Variants in HADHA observed in about 807,000 individuals in gnomAD.
The protein encoded by HADHA is hydroxyacyl-CoA dehydrogenase trifunctional multienzyme complex subunit alpha.
Under a neutral mutation model 91.3 loss-of-function variants are expected in HADHA, and 59 were observed. The observed-to-expected ratio is 0.65, with a 90% CI of 0.52 to 0.80. The LOEUF is 0.80. Ranked by LOEUF, HADHA falls within the 30% of genes least tolerant of loss-of-function variation. The pLI is 0.00. For synonymous variants in HADHA, 320 were observed against 338.9 expected (o/e 0.94, Z 0.61); for missense variants, 800 against 927.6 (o/e 0.86, Z 1.79).
intron 5 of HADHA, among the ~76,000 whole-genome samples, 171 bp downstream of exon 5, chr2:26,234,046 T>C (rs1472345606): frequency 2.0e-5 from 3 of 151,906 alleles, no homozygotes; most frequent in African/African-American, 7.3e-5. Flanking sequence ...GTGCCATTGC[T>C]CTCCAGCCTG....
At position 26,204,172 on chromosome 2, in the gene HADHA, C is replaced by T. The variant is rs1304930744; in HGVS notation, c.1110G>A (p.Gly370=). 1.2e-6 allele frequency: 2 copies of T among 1,613,976 alleles called. No individual in the cohort carries two copies. Among genetic ancestry groups the T allele is most frequent in the South Asian group, 1.1e-5 (1 of 91,086 alleles). ...DVKHLAILGA[G]LMGAGIAQVS... is the part of the protein sequence containing the mutation. ...CTTGGGCGATGCCTGCTCCCATCAG[C>T]CCTGCACCAAGAATAGCCAGATGCC... The change falls in exon 12 of 20, where the codon GGG becomes GGA. Residue 370 remains glycine (G), a synonymous_variant. Transcript: ENST00000380649.
At chr2:26,244,306 T>G (rs1484925055) in intron 1 of HADHA, among the ~76,000 whole-genome samples, 2 of 152,086 alleles carry the variant, frequency 1.3e-5, no homozygotes, top group African/African-American at 4.8e-5. Context: ...ACTCAGAAAG[T>G]TGGGGAGTTA....
At chr2:26,195,049 G>T (rs1481873913) in intron 15 of HADHA, 43 bp downstream of exon 15, 1 of 1,531,868 alleles carries the variant, frequency 6.5e-7, no homozygotes, top group Non-Finnish European at 9.0e-7. Flanking sequence ...AGTCTTATTA[G>T]AACTTTTCAA....
At chr2:26,233,613 T>C (rs565893255) in intron 5 of HADHA, among the ~76,000 whole-genome samples, 1 of 152,346 alleles carries the variant, frequency 6.6e-6, no homozygotes, top group African/African-American at 2.4e-5. Flanking sequence ...CTTAAGAGCC[T>C]AGATCACACT....
chr2:26,192,112 G>C (rs190491479), intron 18 of HADHA, among the ~76,000 whole-genome samples, 198 bp downstream of exon 18: 18 of 152,172 alleles, frequency 1.2e-4, no homozygotes, highest in African/African-American at 4.3e-4. Context: ...CATCAGGAGT[G>C]GTCCTCCTGT....
chr2:26,241,382 G>C (rs1032050851), intron 1 of HADHA, among the ~76,000 whole-genome samples: 1 of 152,048 alleles, frequency 6.6e-6, no homozygotes, highest in Non-Finnish European at 1.5e-5. Flanking sequence ...CACTTTGGGA[G>C]GCTGAGGTGG....
At chr2:26,231,668 A>G (rs1479458807) in intron 6 of HADHA, among the ~76,000 whole-genome samples, 1 of 152,146 alleles carries the variant, frequency 6.6e-6, no homozygotes, top group Admixed American at 6.6e-5. Flanking sequence ...ACCTTGATCA[A>G]TAATTCTGTG....
At position 26,194,557 on chromosome 2, in the gene HADHA, G is replaced by A. The variant is rs756412088; in HGVS notation, c.1689+13C>T. On this transcript the variant is annotated intron_variant, in intron 16 of 19. Coordinates refer to ENST00000380649, the MANE Select transcript of HADHA (RefSeq NM_000182.5). ...TGGAAGATGCCGCAAACACTCTGGAGAGCAATACCAACCTGGAGGATTCGG... is the reference window on the plus strand; with the variant it reads ...TGGAAGATGCCGCAAACACTCTGGAAAGCAATACCAACCTGGAGGATTCGG... The A allele has an allele frequency of 1.0e-5, 16 of 1,556,042 alleles. No individual in the cohort carries two copies. In the South Asian group the frequency reaches 1.7e-4, roughly 16 times the overall value.
At chr2:26,236,339 A>ATGTGTGTG (rs752287719) in intron 4 of HADHA, among the ~76,000 whole-genome samples, 1,667 of 109,934 alleles carry the variant, frequency 0.015, 21 homozygotes, top group Middle Eastern at 0.034. Context: ...AGATCACATG[A>ATGTGTGTG]TGTGTGTGTG....
At chr2:26,242,935 T>C (rs1670937892) in intron 1 of HADHA, among the ~76,000 whole-genome samples, 1 of 152,216 alleles carries the variant, frequency 6.6e-6, no homozygotes, top group Non-Finnish European at 1.5e-5. Context: ...GTATTTTTAG[T>C]AGAGACGGGG....
chr2:26,192,182 TAACA>T, intron 18 of HADHA, 124 bp downstream of exon 18: 3 of 656,440 alleles, frequency 4.6e-6, no homozygotes, highest in Non-Finnish European at 5.5e-6. Context: ...TATACCTATG[TAACA>T]AACCTGCACA....
intron 17 of HADHA, among the ~76,000 whole-genome samples, chr2:26,193,093 CCT>C (rs1669558831): frequency 6.6e-6 from 1 of 152,064 alleles, no homozygotes; most frequent in South Asian, 2.1e-4. Context: ...TATACATTCT[CCT>C]CACAGGTGGC....
intron 13 of HADHA, among the ~76,000 whole-genome samples, chr2:26,198,174 C>T (rs997863691): frequency 4.6e-5 from 7 of 152,172 alleles, no homozygotes; most frequent in South Asian, 2.1e-4. Flanking sequence ...AATCACTCCC[C>T]GCTTCACCTT....
Position 26,195,195 on chromosome 2 carries a change from A to G in HADHA, c.1517T>C (p.Met506Thr). Reference sequence around the variant, plus strand: ...GGTCGTGATAATCTCCAGCAGCTGCATCTTGTCCACGGGAGAGAAGTAGTG... The same window carrying G: ...GGTCGTGATAATCTCCAGCAGCTGCGTCTTGTCCACGGGAGAGAAGTAGTG... Reference protein sequence around the residue: ...GMHYFSPVDKMQLLEIITTEK... With the variant: ...GMHYFSPVDKTQLLEIITTEK... The change falls in exon 15 of 20, where the codon ATG (methionine) becomes ACG (threonine). Residue 506 changes from methionine (M) to threonine (T), a missense_variant. Transcript: ENST00000380649. 1 of 1,612,762 alleles carries G rather than the reference A, an allele frequency of 6.2e-7. No individual in the cohort carries two copies. The highest frequency in any genetic ancestry group is 8.5e-7 in the Non-Finnish European group (1 of 1,178,804).
At position 26,191,124 on chromosome 2, in the gene HADHA, G is replaced by C. The variant is rs1027130042; in HGVS notation, c.*126C>G. The C allele has an allele frequency of 5.3e-6, 5 of 939,904 alleles. No homozygotes were observed. The South Asian group carries it at 6.9e-5, about 13-fold the overall frequency. 58.2% of individuals were successfully genotyped at this position (939,904 alleles called of 1,614,324 possible). On this transcript the variant is annotated 3_prime_UTR_variant, in exon 20 of 20. Transcript: ENST00000380649. ...TCTTGGCTGAAGGCACTTTAATCAG[G>C]GAGCAAACCCAGTGCCGGAGTTTGT...
At chr2:26,230,417 T>G in intron 6 of HADHA, 123 bp from the exon 7 acceptor site, 1 of 725,264 alleles carries the variant, frequency 1.4e-6, no homozygotes, top group Non-Finnish European at 2.5e-6. Context: ...GTTTATGCTA[T>G]TTGTCAACAG....
chr2:26,232,919 T>G (rs1032417837), intron 5 of HADHA, among the ~76,000 whole-genome samples: 1 of 151,568 alleles, frequency 6.6e-6, no homozygotes, highest in African/African-American at 2.4e-5. Context: ...CCCAACCTTT[T>G]TGACGCCAGG....
At chr2:26,231,968 C>CAAA (rs70950177) in intron 6 of HADHA, among the ~76,000 whole-genome samples, 192 bp downstream of exon 6, 4 of 92,420 alleles carry the variant, frequency 4.3e-5, no homozygotes, top group East Asian at 4.1e-4. Context: ...GATTTTGTCT[C>CAAA]AAAAAAAAAA....
In HADHA at chr2:26,191,482, C is replaced by T. The variant is rs794727219; in HGVS notation, c.2146+1G>A. 5 of 1,614,186 alleles carry T rather than the reference C, an allele frequency of 3.1e-6. No homozygotes were observed. The highest frequency in any genetic ancestry group is 4.2e-6 in the Non-Finnish European group (5 of 1,180,026). The stretch of plus-strand genomic sequence containing the variant: ...CTTCCTTCCCAACCTGCGAGACCAA[C>T]CTCCCAGACAAGGCGGGAAGCCAAG... On this transcript the variant is annotated splice_donor_variant, in intron 19 of 19. Transcript: ENST00000380649. LOFTEE classifies it high-confidence loss of function.
Sources: gnomAD v4.1 joint callset for allele counts (sites outside exome capture counted in the v4.1 genomes callset) on GRCh38, gnomAD v4.1.1 for gene constraint, MANE v1.5 for transcripts, NCBI Gene and HGNC (gene_info 2026-07-23, HGNC 2026-07-21) for gene names.